CSMD1: variants seen among roughly 807,000 people sequenced by gnomAD.
CSMD1 encodes CUB and sushi domain-containing protein 1.
In CSMD1, 213 loss-of-function variants were observed where a neutral mutation model predicts 417.5. The ratio of observed to expected loss-of-function variants is 0.51; its 90% CI spans 0.46 to 0.57. The LOEUF is 0.57. Ranked by LOEUF, CSMD1 falls within the 20% of genes least tolerant of loss-of-function variation. CSMD1 has a pLI of 0.00. For missense variants in CSMD1, 6,923 were observed against 4,529.7 expected, an observed-to-expected ratio of 1.53 and a Z score of -15.17; for synonymous variants, 2,862 against 1,736.8, an observed-to-expected ratio of 1.65 and a Z score of -16.11.
chr8:3,302,350 T>C (rs58348655), intron 25 of CSMD1, among the ~76,000 whole-genome samples: 5,228 of 152,212 alleles, frequency 0.034, 311 homozygotes, highest in African/African-American at 0.12. Flanking sequence ...CAGCATCTCC[T>C]CCCTTACACT....
At chr8:3,849,932 A>G (rs1233216420) in intron 5 of CSMD1, among the ~76,000 whole-genome samples, 1 of 151,888 alleles carries the variant, frequency 6.6e-6, no homozygotes, top group African/African-American at 2.4e-5. Context: ...CTCCAGCCTC[A>G]GCCTCCCAAG....
Position 2,949,347 on chromosome 8 carries a change from C to T in CSMD1, c.10354G>A (p.Gly3452Ser). 2 of 1,607,668 alleles carry T rather than the reference C, an allele frequency of 1.2e-6. No individual in the cohort carries two copies. The highest frequency in any genetic ancestry group is 1.7e-6 in the Non-Finnish European group (2 of 1,176,666). Residue 3452 changes from glycine (G) to serine (S), a missense_variant, in exon 68 of 70, where the codon GGT becomes AGT. Physicochemically the swap from Gly to Ser is moderately conservative, Grantham distance 56. Coordinates refer to ENST00000635120, the MANE Select transcript of CSMD1 (RefSeq NM_033225.6). ...GLERGGFTFQ[G>S]DIHGKDFGKF... ...CCAAAGTCTTTTCCATGAATGTCAC[C>T]TTGAAAAGTAAATCCTCCTCTTTCA...
At chr8:4,747,211 A>G (rs1018857901) in intron 1 of CSMD1, among the ~76,000 whole-genome samples, 11 of 152,190 alleles carry the variant, frequency 7.2e-5, no homozygotes, top group Admixed American at 4.6e-4. Context: ...GAGAATTTCT[A>G]CCTTCAGTAA....
chr8:3,599,850 T>C (rs1171764712), intron 8 of CSMD1, among the ~76,000 whole-genome samples: 1 of 152,218 alleles, frequency 6.6e-6, no homozygotes. Context: ...TGACAAATTC[T>C]TTCATACACA....
chr8:4,294,965 T>C (rs1457186617), intron 3 of CSMD1, among the ~76,000 whole-genome samples: 1 of 150,912 alleles, frequency 6.6e-6, no homozygotes, highest in East Asian at 2.0e-4. Flanking sequence ...CAAGGATATT[T>C]TTCTTATATT....
chr8:4,514,152 G>C (rs979891017), intron 2 of CSMD1, among the ~76,000 whole-genome samples: 1 of 152,090 alleles, frequency 6.6e-6, no homozygotes, highest in Non-Finnish European at 1.5e-5. Context: ...CTCCTGGTGA[G>C]AGCTCTCTTC....
At chr8:4,849,116 G>C (rs560732313) in intron 1 of CSMD1, among the ~76,000 whole-genome samples, 4 of 152,234 alleles carry the variant, frequency 2.6e-5, no homozygotes, top group Admixed American at 2.6e-4. Context: ...TTCTGACCTT[G>C]TGTAAGTCTA....
chr8:3,281,090 G>A (rs1021783254), intron 26 of CSMD1, among the ~76,000 whole-genome samples: 3 of 152,162 alleles, frequency 2.0e-5, no homozygotes, highest in African/African-American at 7.2e-5. Flanking sequence ...GATGTTTAGA[G>A]GCAGCTTTAG....
chr8:4,036,474 G>T (rs915208178), intron 3 of CSMD1, among the ~76,000 whole-genome samples: 1 of 152,128 alleles, frequency 6.6e-6, no homozygotes, highest in African/African-American at 2.4e-5. Flanking sequence ...TGTCTGAAAA[G>T]AAATATTTGT....
chr8:4,959,797 T>A (rs1585410746), intron 1 of CSMD1, among the ~76,000 whole-genome samples: 1 of 152,338 alleles, frequency 6.6e-6, no homozygotes, highest in South Asian at 2.1e-4. Context: ...ATTTCTAGAA[T>A]GATTTTCCCA....
At chr8:3,731,247 A>G (rs2720816) in intron 6 of CSMD1, among the ~76,000 whole-genome samples, 1 of 152,172 alleles carries the variant, frequency 6.6e-6, no homozygotes, top group African/African-American at 2.4e-5. Flanking sequence ...GCAAACAATG[A>G]CGTGCATTCT....
At chr8:3,760,652 G>C (rs1229293564) in intron 5 of CSMD1, among the ~76,000 whole-genome samples, 1 of 152,128 alleles carries the variant, frequency 6.6e-6, no homozygotes, top group East Asian at 1.9e-4. Context: ...CAATTTATGG[G>C]GATAATTTTC....
At chr8:4,035,248 C>T (rs1030861882) in intron 3 of CSMD1, among the ~76,000 whole-genome samples, 12 of 152,116 alleles carry the variant, frequency 7.9e-5, no homozygotes, top group African/African-American at 2.7e-4. Context: ...GAACAAACCA[C>T]CTGTGCAGCC....
At chr8:4,274,272 C>G (rs1049399963) in intron 3 of CSMD1, among the ~76,000 whole-genome samples, 4 of 152,118 alleles carry the variant, frequency 2.6e-5, no homozygotes, top group Non-Finnish European at 4.4e-5. Context: ...CTTCTAGCTG[C>G]TACTATCAGG....
chr8:4,607,343 G>T (rs772306105), intron 2 of CSMD1, among the ~76,000 whole-genome samples: 1 of 152,256 alleles, frequency 6.6e-6, no homozygotes, highest in East Asian at 1.9e-4. Flanking sequence ...GAGTGCGGGG[G>T]ACGGGCTATT....
At chr8:4,081,243 C>A (rs146488794) in intron 3 of CSMD1, among the ~76,000 whole-genome samples, 1 of 152,292 alleles carries the variant, frequency 6.6e-6, no homozygotes, top group East Asian at 1.9e-4. Flanking sequence ...CTCAGACAAG[C>A]ATTGTGGTAG....
intron 1 of CSMD1, among the ~76,000 whole-genome samples, chr8:4,993,454 A>G (rs1014050156): frequency 7.5e-6 from 1 of 133,866 alleles, no homozygotes; most frequent in African/African-American, 2.5e-5. Context: ...CGGAGAATAA[A>G]CAAGTACACA....
chr8:4,929,464 T>C (rs1807089349), intron 1 of CSMD1, among the ~76,000 whole-genome samples: 2 of 152,172 alleles, frequency 1.3e-5, no homozygotes, highest in East Asian at 1.9e-4. Context: ...TATCTAACTA[T>C]GCATAGGGTC....
intron 4 of CSMD1, among the ~76,000 whole-genome samples, chr8:4,022,055 A>G (rs1409063333): frequency 6.6e-6 from 1 of 151,140 alleles, no homozygotes; most frequent in Admixed American, 6.6e-5. Context: ...ATTCTTTAAT[A>G]TACAGATGAA....
Sources: gnomAD v4.1 joint callset for allele counts (sites outside exome capture counted in the v4.1 genomes callset) on GRCh38, gnomAD v4.1.1 for gene constraint, MANE v1.5 for transcripts, NCBI Gene and HGNC (gene_info 2026-07-23, HGNC 2026-07-21) for gene names.